PABPC4L: variants seen among roughly 807,000 people sequenced by gnomAD.
PABPC4L encodes the protein polyadenylate-binding protein 4-like.
For synonymous variants in PABPC4L, 169 were observed against 164.1 expected (o/e 1.03, Z -0.23); for missense variants, 452 against 451.4 (o/e 1.00, Z -0.01).
chr4:134,122,204 C>T, the PABPC4L span, among the ~76,000 whole-genome samples: 2 of 151,766 alleles, frequency 1.3e-5, no homozygotes, highest in African/African-American at 2.4e-5. Flanking sequence ...AATGTAATTA[C>T]ACTATCAAAT....
At chr4:134,139,474 C>CCTA in the PABPC4L span, among the ~76,000 whole-genome samples, 2 of 151,860 alleles carry the variant, frequency 1.3e-5, no homozygotes, top group African/African-American at 4.8e-5. Flanking sequence ...AAGGTAGTCA[C>CCTA]AAACAGCTAC....
At chr4:134,154,009 T>C in the PABPC4L span, among the ~76,000 whole-genome samples, 1 of 151,936 alleles carries the variant, frequency 6.6e-6, no homozygotes, top group Admixed American at 6.6e-5. Context: ...TCCTGTCTTG[T>C]CTTTATAAAT....
chr4:134,009,000 A>G, the PABPC4L span, among the ~76,000 whole-genome samples: 1 of 151,834 alleles, frequency 6.6e-6, no homozygotes, highest in South Asian at 2.1e-4. Context: ...ATATGTACCA[A>G]CTTTTTAAAA....
chr4:133,959,799 G>A, the PABPC4L span, among the ~76,000 whole-genome samples: 2 of 152,286 alleles, frequency 1.3e-5, no homozygotes, highest in African/African-American at 4.8e-5. Flanking sequence ...GTGAAGGTTT[G>A]TTGATGTTTA....
chr4:134,003,763 G>T, the PABPC4L span, among the ~76,000 whole-genome samples: 6 of 151,758 alleles, frequency 4.0e-5, no homozygotes, highest in Non-Finnish European at 1.5e-5. Flanking sequence ...TCTCATGGGA[G>T]CATCAAGAAA....
At chr4:134,053,890 G>A in the PABPC4L span, among the ~76,000 whole-genome samples, 56 of 151,872 alleles carry the variant, frequency 3.7e-4, 1 homozygote, top group East Asian at 0.01. Flanking sequence ...TATATAAGAG[G>A]TCCTGATGCT....
rs1347232867 is a variant in PABPC4L at position 134,200,146 on chromosome 4, C to T, written c.874G>A (p.Gly292Arg). Residue 292 changes from glycine to arginine, a missense_variant, in exon 2 of 2, where the codon GGG (glycine) becomes AGG (arginine). Physicochemically the swap from Gly to Arg is moderately radical, Grantham distance 125. Transcript: ENST00000421491. Reference sequence around the variant, plus strand: ...AGGTTCTTAATATAGAGTTTTACCCCCTGGCACCCACGAATTCGTTCCCTT... The same window carrying T: ...AGGTTCTTAATATAGAGTTTTACCCTCTGGCACCCACGAATTCGTTCCCTT... ...LKRERIRGCQ[G>R]VKLYIKNLDD... 2 of 1,551,546 alleles carry T rather than the reference C, an allele frequency of 1.3e-6. No homozygotes were observed. The highest frequency in any genetic ancestry group is 2.7e-5 in the African/African-American group (2 of 73,026).
the PABPC4L span, among the ~76,000 whole-genome samples, chr4:134,110,994 C>A: frequency 1.3e-5 from 2 of 151,982 alleles, no homozygotes; most frequent in African/African-American, 4.8e-5. Context: ...TCCATTTGTG[C>A]TGCTACTACA....
the PABPC4L span, among the ~76,000 whole-genome samples, chr4:134,111,571 C>T: frequency 6.6e-6 from 1 of 151,948 alleles, no homozygotes; most frequent in African/African-American, 2.4e-5. Context: ...ATTGACCACA[C>T]AGAAAATCTT....
At chr4:134,094,625 C>T in the PABPC4L span, among the ~76,000 whole-genome samples, 7 of 151,764 alleles carry the variant, frequency 4.6e-5, no homozygotes, top group Admixed American at 4.6e-4. Flanking sequence ...CTTGTAATAA[C>T]AGATTTTTCC....
chr4:134,185,097 G>A, the PABPC4L span, among the ~76,000 whole-genome samples: 1 of 151,990 alleles, frequency 6.6e-6, no homozygotes, highest in Non-Finnish European at 1.5e-5. Context: ...TTCTCATTGT[G>A]TAACTTGTCT....
the PABPC4L span, among the ~76,000 whole-genome samples, chr4:134,162,596 A>G: frequency 6.6e-6 from 1 of 152,142 alleles, no homozygotes; most frequent in African/African-American, 2.4e-5. Flanking sequence ...ATTCTTCAAG[A>G]TAGACAATAT....
At chr4:133,985,507 A>G in the PABPC4L span, among the ~76,000 whole-genome samples, 2 of 151,998 alleles carry the variant, frequency 1.3e-5, no homozygotes, top group Non-Finnish European at 2.9e-5. Context: ...AAATATAGAT[A>G]TTTCTCATAT....
chr4:133,948,742 C>G, the PABPC4L span, among the ~76,000 whole-genome samples: 1 of 152,162 alleles, frequency 6.6e-6, no homozygotes, highest in African/African-American at 2.4e-5. Flanking sequence ...CCTGAGGCCT[C>G]TCAGCAGAGC....
chr4:134,051,611 G>T, the PABPC4L span, among the ~76,000 whole-genome samples: 1 of 152,106 alleles, frequency 6.6e-6, no homozygotes, highest in Admixed American at 6.6e-5. Context: ...TTCTTTTTAG[G>T]CATTGAAAAA....
chr4:133,982,313 A>T, the PABPC4L span, among the ~76,000 whole-genome samples: 2 of 152,012 alleles, frequency 1.3e-5, no homozygotes, highest in Non-Finnish European at 2.9e-5. Flanking sequence ...CCATAGTGTT[A>T]AAGACAAAAC....
the PABPC4L span, among the ~76,000 whole-genome samples, chr4:133,949,534 G>A: frequency 1.9e-4 from 29 of 152,188 alleles, no homozygotes; most frequent in East Asian, 5.8e-4. Flanking sequence ...AACTTTAAGG[G>A]TTCCTTAAGT....
chr4:134,033,980 A>G, the PABPC4L span, among the ~76,000 whole-genome samples: 1 of 152,010 alleles, frequency 6.6e-6, no homozygotes, highest in African/African-American at 2.4e-5. Flanking sequence ...GTATATTGAA[A>G]GAAGATGCCA....
chr4:134,130,742 T>A, the PABPC4L span, among the ~76,000 whole-genome samples: 1 of 151,972 alleles, frequency 6.6e-6, no homozygotes, highest in East Asian at 1.9e-4. Context: ...CAATATCCCT[T>A]ATGAACATAG....
Sources: gnomAD v4.1 joint callset for allele counts (sites outside exome capture counted in the v4.1 genomes callset) on GRCh38, gnomAD v4.1.1 for gene constraint, MANE v1.5 for transcripts, NCBI Gene and HGNC (gene_info 2026-07-23, HGNC 2026-07-21) for gene names.